The following IL1RAPL1 variants were observed in gnomAD, a reference collection of about 807,000 sequenced individuals.
IL1RAPL1 encodes the protein interleukin 1 receptor accessory protein like 1.
In IL1RAPL1, 3 loss-of-function variants were observed where a neutral mutation model predicts 48.4. The observed-to-expected ratio is 0.06, with a 90% confidence interval of 0.03 to 0.16. The LOEUF (loss-of-function observed/expected upper bound fraction) is 0.16, where lower values mean the gene tolerates loss of function less well. Ranked by LOEUF, IL1RAPL1 falls within the 10% of genes least tolerant of loss-of-function variation. The pLI, the probability that IL1RAPL1 is intolerant of heterozygous loss-of-function variation, is 1.00. For synonymous variants in IL1RAPL1, 185 were observed against 187.7 expected, an observed-to-expected ratio of 0.99 and a Z score of 0.12; for missense variants, 349 against 530.6, an observed-to-expected ratio of 0.66 and a Z score of 3.36.
At chrX:28,986,273 T>TA (rs1328009362) in intron 2 of IL1RAPL1, among the ~76,000 whole-genome samples, 1 of 112,460 alleles carries the variant, frequency 8.9e-6, no homozygotes, top group Admixed American at 9.4e-5. Context: ...ACTTGTTTCC[T>TA]ATCATGTAAG....
At chrX:28,952,973 G>A (rs1425507377) in intron 2 of IL1RAPL1, among the ~76,000 whole-genome samples, 1 of 111,362 alleles carries the variant, frequency 9.0e-6, no homozygotes, top group Non-Finnish European at 1.9e-5. Flanking sequence ...AAAGTCCATT[G>A]TTATGGTTAA....
intron 5 of IL1RAPL1, among the ~76,000 whole-genome samples, chrX:29,472,677 C>CAA (rs1240202805): frequency 8.1e-5 from 9 of 111,674 alleles, no homozygotes; most frequent in Non-Finnish European, 7.5e-5. Context: ...GGTTCAGATC[C>CAA]AAAGTCTACA....
intron 2 of IL1RAPL1, among the ~76,000 whole-genome samples, chrX:28,959,142 C>T (rs757370737): frequency 9.0e-6 from 1 of 110,741 alleles, no homozygotes; most frequent in African/African-American, 3.3e-5. Flanking sequence ...ATCTTACTAC[C>T]CCGATATTTG....
intron 2 of IL1RAPL1, among the ~76,000 whole-genome samples, chrX:28,912,568 G>C (rs1181687559): frequency 9.0e-6 from 1 of 110,942 alleles, no homozygotes; most frequent in Non-Finnish European, 1.9e-5. Context: ...ATAGATGTAT[G>C]AGTGTGTGTG....
At chrX:28,924,949 C>T (rs1356459317) in intron 2 of IL1RAPL1, among the ~76,000 whole-genome samples, 1 of 111,840 alleles carries the variant, frequency 8.9e-6, no homozygotes, top group East Asian at 2.8e-4. Flanking sequence ...TTTATCATAA[C>T]GAGTGTTGCC....
At chrX:28,923,533 G>A (rs1923667198) in intron 2 of IL1RAPL1, among the ~76,000 whole-genome samples, 1 of 111,664 alleles carries the variant, frequency 9.0e-6, no homozygotes, top group South Asian at 3.7e-4. Context: ...GAACTCTAGT[G>A]AATGATATGC....
intron 2 of IL1RAPL1, among the ~76,000 whole-genome samples, chrX:28,891,242 C>G (rs1922763384): frequency 9.0e-6 from 1 of 111,554 alleles, no homozygotes; most frequent in Admixed American, 9.5e-5. Context: ...TCTATTTACT[C>G]AACAGGTGTT....
intron 2 of IL1RAPL1, among the ~76,000 whole-genome samples, chrX:29,130,704 C>T (rs1929002236): frequency 8.9e-6 from 1 of 111,741 alleles, no homozygotes; most frequent in Non-Finnish European, 1.9e-5. Context: ...ATAAATGGCC[C>T]AGATTAGCTG....
chrX:29,925,440 T>TTTTTTTTTTTC (rs1932881009), intron 8 of IL1RAPL1, among the ~76,000 whole-genome samples: 1 of 23,991 alleles, frequency 4.2e-5, no homozygotes, highest in Non-Finnish European at 8.3e-5. Flanking sequence ...TTTTTTTTTT[T>TTTTTTTTTTTC]TTTTTGCTGG....
chrX:28,949,275 G>GT (rs563294290), intron 2 of IL1RAPL1, among the ~76,000 whole-genome samples: 1,096 of 98,333 alleles, frequency 0.011, 10 homozygotes, highest in Admixed American at 0.023. Context: ...GGTGTTTTTT[G>GT]TTTTTTTTTT....
At chrX:28,883,803 A>G (rs1922562706) in intron 2 of IL1RAPL1, among the ~76,000 whole-genome samples, 1 of 112,569 alleles carries the variant, frequency 8.9e-6, no homozygotes, top group Non-Finnish European at 1.9e-5. Flanking sequence ...ATTTGTAACT[A>G]ATATGTGTAT....
chrX:29,122,428 C>T lies in IL1RAPL1; in HGVS notation c.83-160510C>T, dbSNP rs937614473. Among the ~76,000 whole-genome samples, 20 of 100,626 alleles carry T rather than the reference C, an allele frequency of 2.0e-4. No homozygotes were observed. In the East Asian group the frequency reaches 6.6e-3, roughly 33 times the overall value. The allele number at this position is 100,626 out of a possible 115,157, so 87.4% of individuals were successfully genotyped here. ...TCTCTCTCACACACACACACACACA[C>T]ACACACACACACACACACACTCGCC... On this transcript the variant is annotated intron_variant, in intron 2 of 10. Coordinates refer to ENST00000378993, the MANE Select transcript of IL1RAPL1 (RefSeq NM_014271.4).
chrX:29,106,461 A>G (rs1928448830), intron 2 of IL1RAPL1, among the ~76,000 whole-genome samples: 1 of 111,968 alleles, frequency 8.9e-6, no homozygotes, highest in Admixed American at 9.5e-5. Flanking sequence ...TTTTTCTAAA[A>G]TATTCTGGAA....
intron 1 of IL1RAPL1, among the ~76,000 whole-genome samples, chrX:28,672,574 C>A (rs1026637922): frequency 2.7e-5 from 3 of 110,885 alleles, no homozygotes; most frequent in African/African-American, 9.9e-5. Context: ...AGGGCCCTGG[C>A]ACCCTATCTA....
At chrX:28,746,739 G>T (rs1247284263) in intron 1 of IL1RAPL1, among the ~76,000 whole-genome samples, 1 of 111,504 alleles carries the variant, frequency 9.0e-6, no homozygotes, top group Non-Finnish European at 1.9e-5. Flanking sequence ...TAATTTATTA[G>T]AACATTTATT....
intron 2 of IL1RAPL1, among the ~76,000 whole-genome samples, chrX:28,939,641 C>T (rs1924115034): frequency 9.0e-6 from 1 of 110,717 alleles, no homozygotes; most frequent in Admixed American, 9.6e-5. Flanking sequence ...CATGAGTGCA[C>T]CTATATAATA....
intron 1 of IL1RAPL1, among the ~76,000 whole-genome samples, chrX:28,639,597 C>T (rs1934509885): frequency 9.0e-6 from 1 of 111,676 alleles, no homozygotes; most frequent in East Asian, 2.8e-4. Context: ...CAGAAGCAGA[C>T]TCTGAGCCAG....
chrX:29,005,956 A>T (rs1306778292), intron 2 of IL1RAPL1, among the ~76,000 whole-genome samples: 1 of 112,180 alleles, frequency 8.9e-6, no homozygotes, highest in Non-Finnish European at 1.9e-5. Flanking sequence ...ACTTATAAAC[A>T]TATATGTGCA....
At chrX:29,577,903 A>C (rs1035213165) in intron 5 of IL1RAPL1, among the ~76,000 whole-genome samples, 1 of 108,478 alleles carries the variant, frequency 9.2e-6, no homozygotes, top group Non-Finnish European at 1.9e-5. Context: ...TGTATCAGTT[A>C]TTATCAACTT....
Sources: gnomAD v4.1 joint callset for allele counts (sites outside exome capture counted in the v4.1 genomes callset) on GRCh38, gnomAD v4.1.1 for gene constraint, MANE v1.5 for transcripts, NCBI Gene and HGNC (gene_info 2026-07-23, HGNC 2026-07-21) for gene names.